The following MRTFB variants were observed in gnomAD, a reference collection of about 807,000 sequenced individuals.
MRTFB encodes the protein myocardin related transcription factor B.
In MRTFB, 29 loss-of-function variants were observed where a neutral mutation model predicts 104.2. The observed-to-expected ratio is 0.28, with a 90% CI of 0.21 to 0.38. MRTFB has a LOEUF of 0.38. MRTFB is among the 10% of genes least tolerant of loss of function. The probability of loss-of-function intolerance (pLI) is 1.00; values close to 1 mark genes in which losing one functional copy is unlikely to be tolerated. For missense variants in MRTFB, 1,270 were observed against 1,341.6 expected (o/e 0.95, Z 0.83); for synonymous variants, 535 against 519.5 (o/e 1.03, Z -0.41).
At chr16:13,996,067 T>A in the MRTFB span, among the ~76,000 whole-genome samples, 1 of 152,056 alleles carries the variant, frequency 6.6e-6, no homozygotes, top group East Asian at 1.9e-4. Context: ...AGGTCCAGAG[T>A]CCGAGACCAG....
At chr16:14,126,356 T>C (rs888713069) in intron 2 of MRTFB, among the ~76,000 whole-genome samples, 1 of 152,216 alleles carries the variant, frequency 6.6e-6, no homozygotes, top group African/African-American at 2.4e-5. Context: ...ACCTGTATTA[T>C]GCCTGGGCTA....
chr16:14,205,911 A>G (rs1218661027), intron 3 of MRTFB, among the ~76,000 whole-genome samples: 2 of 152,210 alleles, frequency 1.3e-5, no homozygotes, highest in African/African-American at 4.8e-5. Flanking sequence ...ACATGAGGCC[A>G]TTGCCAGACT....
rs568404205 is a variant in MRTFB at position 14,263,203 on chromosome 16, G to A, written c.*1759G>A. The A allele has an allele frequency of 7.9e-5, 12 of 152,340 alleles. No individual in the cohort carries two copies. Among genetic ancestry groups the A allele is most frequent in the Admixed American group, 5.2e-4 (8 of 15,294 alleles). 9.4% of individuals were successfully genotyped at this position (152,340 alleles called of 1,614,324 possible). Reference sequence around the variant, plus strand: ...TGCTCAGTGTAGTCTGTGATGAATAGTTTAAGTGTTCAGAAATTGGTAAAC... The same window carrying A: ...TGCTCAGTGTAGTCTGTGATGAATAATTTAAGTGTTCAGAAATTGGTAAAC... On this transcript the variant is annotated 3_prime_UTR_variant, in exon 17 of 17. Coordinates refer to ENST00000571589, the MANE Select transcript of MRTFB (RefSeq NM_001308142.2).
intron 3 of MRTFB, among the ~76,000 whole-genome samples, chr16:14,156,078 G>C (rs2038816561): frequency 6.6e-6 from 1 of 152,158 alleles, no homozygotes; most frequent in Non-Finnish European, 1.5e-5. Context: ...CAGAAAGTTA[G>C]GGCAATTATG....
intron 3 of MRTFB, chr16:14,200,434 A>G: frequency 6.2e-7 from 1 of 1,609,500 alleles, no homozygotes; most frequent in Non-Finnish European, 8.5e-7. Context: ...CTAATAGACC[A>G]AGAAAAGTCA....
intron 2 of MRTFB, 144 bp from the exon 3 acceptor site, chr16:14,140,400 C>T (rs2037933930): frequency 2.0e-6 from 1 of 490,270 alleles, no homozygotes; most frequent in African/African-American, 1.9e-5. Flanking sequence ...GATAAAGAAC[C>T]TGAGGTCCAG....
At chr16:13,999,007 T>C in the MRTFB span, among the ~76,000 whole-genome samples, 644 of 143,962 alleles carry the variant, frequency 4.5e-3, 4 homozygotes, top group African/African-American at 0.015. Flanking sequence ...TTGGGCAACA[T>C]GGTGAAACCC....
At chr16:14,051,719 A>G in the MRTFB span, among the ~76,000 whole-genome samples, 1 of 152,198 alleles carries the variant, frequency 6.6e-6, no homozygotes, top group Non-Finnish European at 1.5e-5. Flanking sequence ...AGGTCTGCCT[A>G]TGTGGCAGAC....
chr16:14,109,206 C>T (rs2036148117), intron 2 of MRTFB, among the ~76,000 whole-genome samples: 1 of 152,098 alleles, frequency 6.6e-6, no homozygotes, highest in Admixed American at 6.6e-5. Flanking sequence ...TTGTGTAGTT[C>T]CTTCCTTTCT....
chr16:14,237,605 G>A (rs2042578166), intron 9 of MRTFB, among the ~76,000 whole-genome samples: 1 of 152,222 alleles, frequency 6.6e-6, no homozygotes, highest in South Asian at 2.1e-4. Flanking sequence ...GTCAAGGAAG[G>A]CTGTTTGTGA....
At chr16:14,026,717 A>C in the MRTFB span, among the ~76,000 whole-genome samples, 1 of 152,218 alleles carries the variant, frequency 6.6e-6, no homozygotes, top group East Asian at 1.9e-4. Context: ...AAAATAAGAA[A>C]TCCAATTAGA....
the MRTFB span, among the ~76,000 whole-genome samples, chr16:14,023,608 CACATACATATACAT>C: frequency 2.9e-5 from 2 of 70,100 alleles, no homozygotes; most frequent in African/African-American, 9.7e-5. Context: ...CACACACACA[CACATACATATACAT>C]ATACATATAC....
chr16:14,170,776 ATATAT>A lies in MRTFB; in HGVS notation c.154+30020_154+30024del, dbSNP rs369667445. Among the ~76,000 whole-genome samples, 1,130 of 152,286 alleles carry A rather than the reference ATATAT, an allele frequency of 7.4e-3. 12 individuals are homozygous for A. The highest frequency in any genetic ancestry group is 0.024 in the African/African-American group (1,002 of 41,566). ...ATACATTTCCATTTGCATTCTAGAA[ATATAT>A]TATTTATACTTTATTGACGGTGTTT... On this transcript the variant is annotated intron_variant, in intron 3 of 16. Coordinates refer to ENST00000571589, the MANE Select transcript of MRTFB (RefSeq NM_001308142.2).
At chr16:14,228,214 G>C (rs1223237704) in intron 8 of MRTFB, among the ~76,000 whole-genome samples, 1 of 152,172 alleles carries the variant, frequency 6.6e-6, no homozygotes, top group Non-Finnish European at 1.5e-5. Context: ...TGTGGACAAT[G>C]TTCAGTCCTC....
At chr16:14,036,086 C>T in the MRTFB span, among the ~76,000 whole-genome samples, 1 of 126,756 alleles carries the variant, frequency 7.9e-6, no homozygotes. Context: ...AGTAGTATTC[C>T]ATCATATATA....
At chr16:14,021,307 G>T in the MRTFB span, among the ~76,000 whole-genome samples, 1 of 152,158 alleles carries the variant, frequency 6.6e-6, no homozygotes, top group Non-Finnish European at 1.5e-5. Context: ...TTCTGCTGGG[G>T]GCTGGTCTTT....
chr16:14,152,689 C>T (rs1349075109), intron 3 of MRTFB: 4 of 152,158 alleles, frequency 2.6e-5, no homozygotes, highest in Non-Finnish European at 5.9e-5. Context: ...CTAACAGCCT[C>T]ATGGTGGTCT....
chr16:14,003,652 C>T, the MRTFB span, among the ~76,000 whole-genome samples: 5 of 14,218 alleles, frequency 3.5e-4, no homozygotes, highest in African/African-American at 7.2e-4. Context: ...CTCCCTCCCT[C>T]CCTCCCTCCC....
At chr16:14,227,967 A>AG (rs944569397) in intron 8 of MRTFB, among the ~76,000 whole-genome samples, 10 of 151,918 alleles carry the variant, frequency 6.6e-5, no homozygotes, top group African/African-American at 2.4e-4. Flanking sequence ...AAAAAAAAAA[A>AG]CAGGCAAAGG....
Sources: allele counts gnomAD v4.1 joint callset (sites outside exome capture counted in the v4.1 genomes callset), GRCh38; gene constraint gnomAD v4.1.1; transcripts MANE v1.5; gene names NCBI Gene and HGNC (gene_info 2026-07-23, HGNC 2026-07-21).